XXYLT1: variants seen among roughly 807,000 people sequenced by gnomAD.
XXYLT1 encodes the protein xyloside xylosyltransferase 1.
In XXYLT1, 20 loss-of-function variants were observed where a neutral mutation model predicts 28.9. The ratio of observed to expected loss-of-function variants is 0.69; its 90% CI spans 0.49 to 1.00. The LOEUF is 1.00. XXYLT1 is among the 50% of genes least tolerant of loss of function. The pLI is 0.00. For synonymous variants in XXYLT1, 257 were observed against 253.8 expected, an observed-to-expected ratio of 1.01 and a Z score of -0.12; for missense variants, 542 against 560.1, an observed-to-expected ratio of 0.97 and a Z score of 0.33.
chr3:195,086,021 G>T (rs1715709358), intron 3 of XXYLT1: 1 of 152,144 alleles, frequency 6.6e-6, no homozygotes, highest in African/African-American at 2.4e-5. Context: ...ACTGCCTGGG[G>T]CCTGTGGACA....
chr3:195,128,471 A>C (rs1367858012), intron 3 of XXYLT1, among the ~76,000 whole-genome samples: 1 of 152,084 alleles, frequency 6.6e-6, no homozygotes, highest in African/African-American at 2.4e-5. Flanking sequence ...AGACCTCCCC[A>C]TCCTCACCAG....
intron 1 of XXYLT1, chr3:195,270,222 G>A (rs1478382742): frequency 1.0e-5 from 6 of 576,990 alleles, no homozygotes; most frequent in South Asian, 6.4e-5. Context: ...AACATAAACA[G>A]AGGTGCAGAC....
intron 3 of XXYLT1, among the ~76,000 whole-genome samples, chr3:195,111,859 T>A (rs1055412426): frequency 4.6e-5 from 7 of 152,164 alleles, no homozygotes; most frequent in Non-Finnish European, 8.8e-5. Flanking sequence ...AAAATTGAGG[T>A]AAAGTGGCCT....
intron 3 of XXYLT1, among the ~76,000 whole-genome samples, chr3:195,085,271 C>T (rs947476183): frequency 6.6e-6 from 1 of 152,228 alleles, no homozygotes; most frequent in African/African-American, 2.4e-5. Flanking sequence ...CTCAACACCC[C>T]TTCCGACCTC....
At chr3:195,140,397 T>C (rs1719422577) in intron 3 of XXYLT1, among the ~76,000 whole-genome samples, 1 of 152,240 alleles carries the variant, frequency 6.6e-6, no homozygotes, top group Non-Finnish European at 1.5e-5. Flanking sequence ...GCACCCTTAC[T>C]GTTATGGACA....
At chr3:195,166,016 T>C (rs1721100796) in intron 2 of XXYLT1, among the ~76,000 whole-genome samples, 1 of 152,134 alleles carries the variant, frequency 6.6e-6, no homozygotes, top group African/African-American at 2.4e-5. Context: ...CCTCCTGTTA[T>C]GAGTCTGATA....
intron 2 of XXYLT1, among the ~76,000 whole-genome samples, chr3:195,206,665 A>C (rs1723084723): frequency 6.6e-6 from 1 of 151,876 alleles, no homozygotes; most frequent in South Asian, 2.1e-4. Flanking sequence ...GCTACTCAGG[A>C]GGCTGAGGCA....
At position 195,226,704 on chromosome 3, in the gene XXYLT1, G is replaced by A. The variant is rs1166401939; in HGVS notation, c.652+5C>T. On this transcript the variant is annotated splice_donor_5th_base_variant and intron_variant, in intron 2 of 3. Transcript: ENST00000310380. ...GGGGCTATTGCTCCTGGAAGCCCAGGTTACCTTTGGGCATGATCTGATGCA... is the reference window on the plus strand; with the variant it reads ...GGGGCTATTGCTCCTGGAAGCCCAGATTACCTTTGGGCATGATCTGATGCA... 1.2e-6 allele frequency: 2 copies of A among 1,610,192 alleles called. No individual in the cohort carries two copies. Among genetic ancestry groups the A allele is most frequent in the African/African-American group, 2.7e-5 (2 of 74,516 alleles).
At chr3:195,208,830 G>A (rs192390708) in intron 2 of XXYLT1, among the ~76,000 whole-genome samples, 9 of 152,174 alleles carry the variant, frequency 5.9e-5, no homozygotes, top group Non-Finnish European at 1.0e-4. Context: ...CAGAGTCCCC[G>A]GGAGGTCACT....
rs1169857256 is a variant in XXYLT1, at chr3:195,166,929, G to A, written c.653-10348C>T. On this transcript the variant is annotated intron_variant, in intron 2 of 3. Coordinates refer to ENST00000310380, the MANE Select transcript of XXYLT1 (RefSeq NM_152531.5). ...CTTGACCTTGTGATCCACCCACCTC[G>A]GCCTCCCAAAGTGCTGGGATTACAG... Among the ~76,000 whole-genome samples, 14 of 152,132 alleles carry A rather than the reference G, an allele frequency of 9.2e-5. 1 individual carries two copies. Among genetic ancestry groups the A allele is most frequent in the East Asian group, 5.8e-4 (3 of 5,154 alleles).
At chr3:195,175,603 G>A (rs763840219) in intron 2 of XXYLT1, 43 of 1,536,064 alleles carry the variant, frequency 2.8e-5, no homozygotes, top group South Asian at 4.8e-5. Context: ...AGATGGACAC[G>A]GTAGTAACAG....
At chr3:195,103,124 G>A (rs540307013) in intron 3 of XXYLT1, among the ~76,000 whole-genome samples, 2 of 152,334 alleles carry the variant, frequency 1.3e-5, no homozygotes, top group Admixed American at 6.5e-5. Flanking sequence ...GGCGGCTCAC[G>A]CTAGTAACAG....
chr3:195,158,139 C>A (rs1015976589), intron 2 of XXYLT1, among the ~76,000 whole-genome samples: 1 of 152,200 alleles, frequency 6.6e-6, no homozygotes, highest in South Asian at 2.1e-4. Flanking sequence ...ATCATCACAT[C>A]GAAAGCCCAC....
intron 3 of XXYLT1, among the ~76,000 whole-genome samples, chr3:195,103,288 G>A (rs2108679623): frequency 6.6e-6 from 1 of 152,300 alleles, no homozygotes; most frequent in South Asian, 2.1e-4. Flanking sequence ...AAAAACAGGA[G>A]TGCAGGAATG....
At chr3:195,137,255 C>G (rs956094444) in intron 3 of XXYLT1, among the ~76,000 whole-genome samples, 14 of 152,178 alleles carry the variant, frequency 9.2e-5, no homozygotes, top group Non-Finnish European at 1.8e-4. Flanking sequence ...GCATTACAAA[C>G]TGAAGTTTGA....
rs887681307 is a variant in XXYLT1, at chr3:195,173,454, A to G, written c.653-16873T>C. ...TAAGTAACATTCTGGTTCATATAAG[A>G]CTGGGCGGAAGAACAGCTCCCAGCA... On this transcript the variant is annotated intron_variant, in intron 2 of 3. Transcript: ENST00000310380. The surrounding 1 kb of genome is among the most constrained non-coding windows in gnomAD (Gnocchi z 4.3). Among the ~76,000 whole-genome samples, 1 of 152,154 alleles carries G rather than the reference A, an allele frequency of 6.6e-6. No homozygotes were observed. The highest frequency in any genetic ancestry group is 2.4e-5 in the African/African-American group (1 of 41,420).
At chr3:195,157,268 C>T (rs1302230452) in intron 2 of XXYLT1, among the ~76,000 whole-genome samples, 1 of 143,026 alleles carries the variant, frequency 7.0e-6, no homozygotes, top group Non-Finnish European at 1.5e-5. Flanking sequence ...AAAAAAAAAC[C>T]CTCAAAGCAT....
chr3:195,234,564 C>A (rs953997229), intron 1 of XXYLT1, among the ~76,000 whole-genome samples: 1 of 152,070 alleles, frequency 6.6e-6, no homozygotes, highest in African/African-American at 2.4e-5. Flanking sequence ...AGTGATCCAC[C>A]TGCCTCAGCC....
rs1207675583 is a variant in XXYLT1, at chr3:195,176,360, TG to T, written c.653-19780del. On this transcript the variant is annotated intron_variant, in intron 2 of 3. Coordinates refer to ENST00000310380, the MANE Select transcript of XXYLT1 (RefSeq NM_152531.5). This position sits in a 1 kb window ranked among gnomAD's most constrained non-coding sequence, Gnocchi z 4.9. ...TGCCCTGGCATGCATATTATAATCC[TG>T]GGTAGAGGAGGGGTGTGTAGAATGC... Among the ~76,000 whole-genome samples, 1 of 152,202 alleles carries T rather than the reference TG, an allele frequency of 6.6e-6. No homozygotes were observed. Among genetic ancestry groups the T allele is most frequent in the East Asian group, 1.9e-4 (1 of 5,202 alleles).
Sources: gnomAD v4.1 joint callset for allele counts (sites outside exome capture counted in the v4.1 genomes callset) on GRCh38, gnomAD v4.1.1 for gene constraint, Gnocchi (gnomAD v3.1) non-coding constraint, MANE v1.5 for transcripts, NCBI Gene and HGNC (gene_info 2026-07-23, HGNC 2026-07-21) for gene names.